The following OSBPL3 variants were observed in gnomAD, a reference collection of about 807,000 sequenced individuals.
OSBPL3 encodes oxysterol binding protein like 3, also known as oxysterol-binding protein-related protein 3.
OSBPL3 carries 65 observed loss-of-function variants against 120.1 expected under a neutral mutation model. The observed-to-expected ratio is 0.54, with a 90% CI of 0.44 to 0.67. OSBPL3 has a LOEUF of 0.67. Among genes scored for constraint, OSBPL3 ranks in the 30% least tolerant of loss-of-function variants. The pLI is 0.00. For synonymous variants in OSBPL3, 416 were observed against 402.6 expected (o/e 1.03, Z -0.40); for missense variants, 1,004 against 1,082.1 (o/e 0.93, Z 1.01).
chr7:24,944,444 T>C (rs1813468954), intron 1 of OSBPL3, among the ~76,000 whole-genome samples: 1 of 151,970 alleles, frequency 6.6e-6, no homozygotes, highest in African/African-American at 2.4e-5. Context: ...CTAACCAACA[T>C]GGCGAAACCC....
In OSBPL3 at chr7:24,928,352, C is replaced by T. The variant is rs1028458043; in HGVS notation, c.-149-35731G>A. ...GACTATAGGCGCCCGCCACCACACC[C>T]GGCTACTTTTTTGTCTTTTTAGTAG... is the stretch of plus-strand genomic sequence containing the variant. On this transcript the variant is annotated intron_variant, in intron 1 of 22. Transcript: ENST00000313367. Among the ~76,000 whole-genome samples, 14 of 152,178 alleles carry T rather than the reference C, an allele frequency of 9.2e-5. No individual in the cohort carries two copies. The South Asian group carries it at 1.5e-3, about 16-fold the overall frequency.
intron 11 of OSBPL3, among the ~76,000 whole-genome samples, chr7:24,850,181 C>T (rs1054577523): frequency 3.9e-5 from 6 of 152,100 alleles, no homozygotes; most frequent in African/African-American, 1.4e-4. Flanking sequence ...GAGACTATGC[C>T]CCCAGGCCTC....
Position 24,872,096 on chromosome 7 carries a change from A to G in OSBPL3, c.97-27T>C. The G allele has an allele frequency of 7.0e-7, 1 of 1,434,826 alleles. No individual in the cohort carries two copies. The highest frequency in any genetic ancestry group is 9.8e-7 in the Non-Finnish European group (1 of 1,017,732). 88.9% of individuals were successfully genotyped at this position (1,434,826 alleles called of 1,614,324 possible). A position where few individuals can be genotyped will look rare whatever the true frequency, so the allele number is the denominator to read the frequency against. ...TGTTCCAACAAAAGAGTTCATGTTA[A>G]ATGTCTATCTTTTTGAAAAATAATA... On this transcript the variant is annotated intron_variant, in intron 2 of 22. Coordinates refer to ENST00000313367, the MANE Select transcript of OSBPL3 (RefSeq NM_015550.4). This position sits in a 1 kb window ranked among gnomAD's most constrained non-coding sequence, Gnocchi z 4.1.
rs1457602369 is a variant in OSBPL3 at position 24,967,332 on chromosome 7, G to A, written c.-150+12554C>T. On this transcript the variant is annotated intron_variant, in intron 1 of 22. Transcript: ENST00000313367. This position sits in a 1 kb window ranked among gnomAD's most constrained non-coding sequence, Gnocchi z 5.6. ...GAATTCTTACCCTACAGCTGCAAGG[G>A]ATAACACTGTTTTCACCTTTGCTCA... Among the ~76,000 whole-genome samples, 1 of 152,156 alleles carries A rather than the reference G, an allele frequency of 6.6e-6. No individual in the cohort carries two copies. The highest frequency in any genetic ancestry group is 1.9e-4 in the East Asian group (1 of 5,198).
chr7:24,826,048 A>C (rs1229973380), intron 16 of OSBPL3, among the ~76,000 whole-genome samples: 1 of 152,212 alleles, frequency 6.6e-6, no homozygotes, highest in Non-Finnish European at 1.5e-5. Context: ...GTATGAAAAA[A>C]GGAACATAGC....
At chr7:24,847,116 G>C (rs2128218536) in intron 12 of OSBPL3, among the ~76,000 whole-genome samples, 1 of 151,834 alleles carries the variant, frequency 6.6e-6, no homozygotes, top group Non-Finnish European at 1.5e-5. Flanking sequence ...CAAAGAAAGT[G>C]AGAGTTCTAA....
intron 1 of OSBPL3, chr7:24,906,339 A>G (rs1164401920): frequency 2.1e-5 from 5 of 240,432 alleles, no homozygotes; most frequent in Non-Finnish European, 4.3e-5. Context: ...ACCAGGGCAA[A>G]GAGGAGCCGG....
chr7:24,836,960 A>G (rs1797075254), intron 14 of OSBPL3, among the ~76,000 whole-genome samples: 1 of 152,098 alleles, frequency 6.6e-6, no homozygotes. Flanking sequence ...TCAGCCTCCC[A>G]AGTAGCTGGG....
intron 1 of OSBPL3, among the ~76,000 whole-genome samples, chr7:24,924,534 G>A (rs1452755842): frequency 6.6e-6 from 1 of 152,188 alleles, no homozygotes; most frequent in East Asian, 1.9e-4. Context: ...GCCGTCATCT[G>A]GCTAAGCTTC....
intron 1 of OSBPL3, among the ~76,000 whole-genome samples, chr7:24,911,449 A>G (rs1808805392): frequency 6.6e-6 from 1 of 152,200 alleles, no homozygotes; most frequent in Admixed American, 6.5e-5. Context: ...AAATCAACTT[A>G]TCATCTTTTC....
rs555683202 is a variant in OSBPL3 at position 24,932,542 on chromosome 7, G to C, written c.-149-39921C>G. On this transcript the variant is annotated intron_variant, in intron 1 of 22. Transcript: ENST00000313367. This position sits in a 1 kb window ranked among gnomAD's most constrained non-coding sequence, Gnocchi z 5.6. ...GAGGTGATTAGGTCATGAAGGCAGAGCCCTCATGAATGGGACTAGTGCCCT... is the reference window on the plus strand; with the variant it reads ...GAGGTGATTAGGTCATGAAGGCAGACCCCTCATGAATGGGACTAGTGCCCT... Among the ~76,000 whole-genome samples, 1 of 152,218 alleles carries C rather than the reference G, an allele frequency of 6.6e-6. No individual in the cohort carries two copies. Among genetic ancestry groups the C allele is most frequent in the Admixed American group, 6.5e-5 (1 of 15,294 alleles).
intron 22 of OSBPL3, among the ~76,000 whole-genome samples, chr7:24,801,024 C>T (rs1007800610): frequency 1.3e-5 from 2 of 150,164 alleles, no homozygotes; most frequent in African/African-American, 4.9e-5. Context: ...GGGCACATCA[C>T]GAGGTCAGGA....
At chr7:24,981,794 G>C (rs953960467), upstream of OSBPL3, among the ~76,000 whole-genome samples, 1 of 152,152 alleles carries the variant, frequency 6.6e-6, no homozygotes, top group African/African-American at 2.4e-5. This position sits in a 1 kb window ranked among gnomAD's most constrained non-coding sequence, Gnocchi z 7.3. Context: ...AAACCACCTC[G>C]CAAAGCCCGA....
chr7:24,797,350 G>A lies in OSBPL3; in HGVS notation c.*2833C>T, dbSNP rs1288722013. The A allele has an allele frequency of 6.6e-6, 1 of 152,084 alleles. No homozygotes were observed. Among genetic ancestry groups the A allele is most frequent in the Non-Finnish European group, 1.5e-5 (1 of 68,016 alleles). The allele number at this position is 152,084 out of a possible 1,614,324, so 9.4% of individuals were successfully genotyped here. A position where few individuals can be genotyped will look rare whatever the true frequency, so the allele number is the denominator to read the frequency against. On this transcript the variant is annotated 3_prime_UTR_variant, in exon 23 of 23. Coordinates refer to ENST00000313367, the MANE Select transcript of OSBPL3 (RefSeq NM_015550.4). The surrounding 1 kb of genome is among the most constrained non-coding windows in gnomAD (Gnocchi z 4.8). Reference sequence around the variant, plus strand: ...ATATTTCCCCCAGGAAGTCTCACAGGAAGCACAGGACACCTGTGCGGCTGT... The same window carrying A: ...ATATTTCCCCCAGGAAGTCTCACAGAAAGCACAGGACACCTGTGCGGCTGT...
In OSBPL3 at chr7:24,899,363, C is replaced by T. The variant is rs1301388575; in HGVS notation, c.-149-6742G>A. Among the ~76,000 whole-genome samples the T allele has an allele frequency of 6.6e-6, 1 of 152,052 alleles. No individual in the cohort carries two copies. The highest frequency in any genetic ancestry group is 1.5e-5 in the Non-Finnish European group (1 of 68,036). On this transcript the variant is annotated intron_variant, in intron 1 of 22. Transcript: ENST00000313367. This position sits in a 1 kb window ranked among gnomAD's most constrained non-coding sequence, Gnocchi z 4.0. ...CTCTTTCCAGTTCTCAGTGTTCTTA[C>T]TGGGACTGTCAGGTCATAGGGATTT...
At chr7:24,928,601 G>T (rs1811396061) in intron 1 of OSBPL3, among the ~76,000 whole-genome samples, 1 of 152,134 alleles carries the variant, frequency 6.6e-6, no homozygotes, top group African/African-American at 2.4e-5. Context: ...AAATGTATAT[G>T]CCTATGTAAC....
At chr7:24,979,822 G>T in intron 1 of OSBPL3, 64 bp downstream of exon 1, 3 of 928,006 alleles carry the variant, frequency 3.2e-6, no homozygotes, top group Non-Finnish European at 3.9e-6. Flanking sequence ...GCCCTTCCGA[G>T]CCCGCGCCGC....
At chr7:24,876,879 G>A (rs1279391308) in intron 2 of OSBPL3, among the ~76,000 whole-genome samples, 1 of 152,164 alleles carries the variant, frequency 6.6e-6, no homozygotes, top group Non-Finnish European at 1.5e-5. Flanking sequence ...TAATAAATAT[G>A]TTGAAAGAAT....
At chr7:24,876,257 T>C (rs1030846567) in intron 2 of OSBPL3, among the ~76,000 whole-genome samples, 1 of 152,218 alleles carries the variant, frequency 6.6e-6, no homozygotes, top group Admixed American at 6.5e-5. Context: ...GAATCTTCTC[T>C]TGATCTTTTC....
Sources: allele counts gnomAD v4.1 joint callset (sites outside exome capture counted in the v4.1 genomes callset), GRCh38; gene constraint gnomAD v4.1.1; non-coding constraint Gnocchi (gnomAD v3.1); transcripts MANE v1.5; gene names NCBI Gene and HGNC (gene_info 2026-07-23, HGNC 2026-07-21).